C12orf43: variants seen among roughly 807,000 people sequenced by gnomAD.
The protein encoded by C12orf43 is protein CUSTOS.
In C12orf43, 15 loss-of-function variants were observed where a neutral mutation model predicts 20.6. That is an observed-to-expected ratio of 0.73 (90% CI 0.49 to 1.12). The LOEUF is 1.12. Ranked by LOEUF, C12orf43 falls within the 50% of genes most tolerant of loss-of-function variation. The probability of loss-of-function intolerance (pLI) is 0.00; values close to 1 mark genes in which losing one functional copy is unlikely to be tolerated. For synonymous variants in C12orf43, 144 were observed against 130.8 expected, an observed-to-expected ratio of 1.10 and a Z score of -0.69; for missense variants, 334 against 344.4, an observed-to-expected ratio of 0.97 and a Z score of 0.24.
At position 121,005,087 on chromosome 12, in the gene C12orf43, C is replaced by T. The variant is rs1436788426; in HGVS notation, c.368G>A (p.Arg123His). The T allele has an allele frequency of 1.8e-5, 25 of 1,403,294 alleles. No homozygotes were observed. Among genetic ancestry groups the T allele is most frequent in the Non-Finnish European group, 2.4e-5 (25 of 1,063,092 alleles). The allele number at this position is 1,403,294 out of a possible 1,614,324, so 86.9% of individuals were successfully genotyped here. A position where few individuals can be genotyped will look rare whatever the true frequency, so the allele number is the denominator to read the frequency against. Residue 123 changes from arginine to histidine, a missense_variant, in exon 5 of 6, where the codon CGC (arginine) becomes CAC (histidine). Coordinates refer to ENST00000288757, the MANE Select transcript of C12orf43 (RefSeq NM_022895.3). The surrounding 1 kb of genome is among the most constrained non-coding windows in gnomAD (Gnocchi z 5.6). ...QKVALEDDGF[R>H]LFFTSVPGGR... is the part of the protein sequence containing the mutation. ...TCCAGGGACAGATGTGAAGAAAAGG[C>T]GGAAACCTAAGATTCAATGGGGCAG...
intron 1 of C12orf43, chr12:121,012,575 G>A (rs866013576): frequency 4.8e-5 from 33 of 680,616 alleles, no homozygotes; most frequent in Middle Eastern, 2.4e-4. Flanking sequence ...AGTCAAGGCC[G>A]GGCGCGGTGG....
chr12:121,002,509 G>C lies in C12orf43; in HGVS notation c.*1644C>G. On this transcript the variant is annotated 3_prime_UTR_variant, in exon 6 of 6. Transcript: ENST00000288757. ...AGTAAAGTCAAGGAGAAATGCGGTG[G>C]AAACTTCTTGCTTGTCCACAAATCA... 1 of 508,372 alleles carries C rather than the reference G, an allele frequency of 2.0e-6. No individual in the cohort carries two copies. The highest frequency in any genetic ancestry group is 3.9e-6 in the Non-Finnish European group (1 of 258,872). 31.5% of individuals were successfully genotyped at this position (508,372 alleles called of 1,614,324 possible). A position where few individuals can be genotyped will look rare whatever the true frequency, so the allele number is the denominator to read the frequency against.
In C12orf43 at chr12:121,004,441, C is replaced by T. The variant is rs768730311; in HGVS notation, c.501G>A (p.Ser167=). 3.5e-5 allele frequency: 57 copies of T among 1,612,142 alleles called. No homozygotes were observed. Among genetic ancestry groups the T allele is most frequent in the East Asian group, 6.7e-5 (3 of 44,896 alleles). Residue 167 remains serine, a synonymous_variant, in exon 6 of 6, where the codon TCG becomes TCA. Coordinates refer to ENST00000288757, the MANE Select transcript of C12orf43 (RefSeq NM_022895.3). The surrounding 1 kb of genome is among the most constrained non-coding windows in gnomAD (Gnocchi z 5.6). ...CTGACTCCTGTAGGATGTCGGACGCCGACACAGCTGCCTCCCGGCACCGCC... is the reference window on the plus strand; with the variant it reads ...CTGACTCCTGTAGGATGTCGGACGCTGACACAGCTGCCTCCCGGCACCGCC... The part of the protein sequence containing the change: ...EWRRCREAAV[S]ASDILQESAI...
Position 121,001,080 on chromosome 12 carries a change from TG to T in C12orf43, c.*3072del, listed in dbSNP as rs2135854461. 1 of 1,613,618 alleles carries T rather than the reference TG, an allele frequency of 6.2e-7. No homozygotes were observed. The highest frequency in any genetic ancestry group is 8.5e-7 in the Non-Finnish European group (1 of 1,179,878). On this transcript the variant is annotated 3_prime_UTR_variant, in exon 6 of 6. Coordinates refer to ENST00000288757, the MANE Select transcript of C12orf43 (RefSeq NM_022895.3). ...GCCTCTGCAGTGTCCTCCAGCAGCC[TG>T]GTGCTGTACCAGAGCTCAGACTCCA...
rs1056729831 is a variant in C12orf43 at position 121,006,433 on chromosome 12, T to C, written c.288-39A>G. 5.0e-6 allele frequency: 8 copies of C among 1,596,774 alleles called. No individual in the cohort carries two copies. In the African/African-American group the frequency reaches 9.4e-5, roughly 19 times the overall value. On this transcript the variant is annotated intron_variant, in intron 3 of 5. Transcript: ENST00000288757. ...AGACGGTTGATTTAAGATGAGATTTTTGGATAACGACAAAAACAAAATTCT... is the reference window on the plus strand; with the variant it reads ...AGACGGTTGATTTAAGATGAGATTTCTGGATAACGACAAAAACAAAATTCT...
rs1485946327 is a variant in C12orf43 at position 121,012,061 on chromosome 12, G to A, written c.146-915C>T. 3.3e-5 allele frequency among the ~76,000 whole-genome samples: 5 copies of A among 152,138 alleles called. No homozygotes were observed. In the East Asian group the frequency reaches 9.6e-4, roughly 29 times the overall value. On this transcript the variant is annotated intron_variant, in intron 1 of 5. Transcript: ENST00000288757. ...GGAAAAAAACGGAAACAAAGTAGGC[G>A]AGAGAGGTGGGGAGTGTTGGGCTGG...
chr12:121,012,516 G>A, intron 1 of C12orf43: 1 of 702,124 alleles, frequency 1.4e-6, no homozygotes, highest in Non-Finnish European at 2.6e-6. Flanking sequence ...TGCAGTAATT[G>A]ATGTGGTGAG....
rs755767722 is a variant in C12orf43 at position 121,010,878 on chromosome 12, G to T, written c.237C>A (p.Thr79=). 2 of 1,614,084 alleles carry T rather than the reference G, an allele frequency of 1.2e-6. No homozygotes were observed. Among genetic ancestry groups the T allele is most frequent in the Non-Finnish European group, 1.7e-6 (2 of 1,180,002 alleles). ...TGGCTACGTGGGCTCGGAATTCAGG[G>T]GTGGTCTGAAGCTCGTTGCCATCTT... ...HEQDGNELQT[T]PEFRAHVAKK... The change falls in exon 3 of 6, where the codon ACC becomes ACA. Residue 79 remains threonine, a synonymous_variant. Transcript: ENST00000288757.
Position 121,016,383 on chromosome 12 carries a change from ATTGCCGCCTCGC to A in C12orf43, c.80_91del (p.Arg27_Met31delinsLeu). Reference sequence around the variant, plus strand: ...GCGTTGCTCCAAGCCCCAAGCCGGCATTGCCGCCTCGCGGCACCGCTCCAGCTCCTCCGCATC... The same window carrying A: ...GCGTTGCTCCAAGCCCCAAGCCGGCAGGCACCGCTCCAGCTCCTCCGCATC... On this transcript the variant is annotated inframe_deletion, in exon 1 of 6. Transcript: ENST00000288757. 1.9e-6 allele frequency: 3 copies of A among 1,613,906 alleles called. No individual in the cohort carries two copies. The highest frequency in any genetic ancestry group is 2.5e-6 in the Non-Finnish European group (3 of 1,180,034).
At position 121,005,043 on chromosome 12, in the gene C12orf43, ACT is replaced by A. The variant is rs1352485766; in HGVS notation, c.410_411del (p.Glu137ValfsTer15). 1 of 1,516,978 alleles carries A rather than the reference ACT, an allele frequency of 6.6e-7. No individual in the cohort carries two copies. Among genetic ancestry groups the A allele is most frequent in the Non-Finnish European group, 8.9e-7 (1 of 1,128,688 alleles). The allele number at this position is 1,516,978 out of a possible 1,614,324, so 94.0% of individuals were successfully genotyped here. A position where few individuals can be genotyped will look rare whatever the true frequency, so the allele number is the denominator to read the frequency against. On this transcript the variant is annotated frameshift_variant, in exon 5 of 6. Transcript: ENST00000288757. LOFTEE classifies it low-confidence loss of function (END_TRUNC). This position sits in a 1 kb window ranked among gnomAD's most constrained non-coding sequence, Gnocchi z 5.6. ...TGTCGCTTTCGGCGGGGTTGGGGAG[ACT>A]CTTCCTTCTCACGGCCTCCAGGGAC... is the stretch of plus-strand genomic sequence containing the variant. ...TSVPGGREKE[E>X]SPQPRRKRQP...
rs1195043246 is a variant in C12orf43 at position 121,004,105 on chromosome 12, G to A, written c.*48C>T. On this transcript the variant is annotated 3_prime_UTR_variant, in exon 6 of 6. Transcript: ENST00000288757. This position sits in a 1 kb window ranked among gnomAD's most constrained non-coding sequence, Gnocchi z 5.6. ...AAATGCCTTGTCCCCAGGGTGGGGGGGACACCTTGTCCTTGGAGCTGGCTG... is the reference window on the plus strand; with the variant it reads ...AAATGCCTTGTCCCCAGGGTGGGGGAGACACCTTGTCCTTGGAGCTGGCTG... 1.3e-6 allele frequency: 2 copies of A among 1,588,388 alleles called. No individual in the cohort carries two copies. The highest frequency in any genetic ancestry group is 8.6e-7 in the Non-Finnish European group (1 of 1,156,712).
In C12orf43 at chr12:121,002,508, G is replaced by A; in HGVS notation, c.*1645C>T. The A allele has an allele frequency of 2.0e-6, 1 of 509,266 alleles. No homozygotes were observed. Among genetic ancestry groups the A allele is most frequent in the South Asian group, 1.5e-5 (1 of 65,010 alleles). The allele number at this position is 509,266 out of a possible 1,614,324, so 31.5% of individuals were successfully genotyped here. On this transcript the variant is annotated 3_prime_UTR_variant, in exon 6 of 6. Transcript: ENST00000288757. ...TAGTAAAGTCAAGGAGAAATGCGGTGGAAACTTCTTGCTTGTCCACAAATC... is the reference window on the plus strand; with the variant it reads ...TAGTAAAGTCAAGGAGAAATGCGGTAGAAACTTCTTGCTTGTCCACAAATC...
intron 1 of C12orf43, among the ~76,000 whole-genome samples, chr12:121,014,063 C>T (rs2701180): frequency 0.49 from 74,233 of 152,010 alleles, 19,214 homozygotes; most frequent in East Asian, 0.87. Flanking sequence ...TGTGGTGGCT[C>T]ATGCCTGTAA....
In C12orf43 at chr12:121,005,030, C is replaced by T. The variant is rs34543757; in HGVS notation, c.425G>A (p.Arg142His). The T allele has an allele frequency of 1.4e-3, 2,210 of 1,530,630 alleles. 31 individuals are homozygous for T. The African/African-American group carries it at 0.026, about 18-fold the overall frequency. The allele number at this position is 1,530,630 out of a possible 1,614,324, so 94.8% of individuals were successfully genotyped here. The change falls in exon 5 of 6, where the codon CGC (arginine) becomes CAC (histidine). Residue 142 changes from arginine to histidine, a missense_variant. Arg to His is a conservative substitution (Grantham distance 29). Transcript: ENST00000288757. This position sits in a 1 kb window ranked among gnomAD's most constrained non-coding sequence, Gnocchi z 5.6. ...GGAGCTGGAGGGCTGTCGCTTTCGG[C>T]GGGGTTGGGGAGACTCTTCCTTCTC... is the stretch of plus-strand genomic sequence containing the variant. Reference protein sequence around the residue: ...GREKEESPQPRRKRQPSSSSE... With the variant: ...GREKEESPQPHRKRQPSSSSE...
At position 121,005,132 on chromosome 12, in the gene C12orf43, A is replaced by G; in HGVS notation, c.362-39T>C. On this transcript the variant is annotated intron_variant, in intron 4 of 5. Coordinates refer to ENST00000288757, the MANE Select transcript of C12orf43 (RefSeq NM_022895.3). This position sits in a 1 kb window ranked among gnomAD's most constrained non-coding sequence, Gnocchi z 5.6. ...GGGCAGAGTCAAACAAAAACAAAAC[A>G]AAACAAAAAGAAACATAAAAAAATA... is the stretch of plus-strand genomic sequence containing the variant. 9.7e-7 allele frequency: 1 copy of G among 1,035,412 alleles called. No individual in the cohort carries two copies. Among genetic ancestry groups the G allele is most frequent in the Non-Finnish European group, 1.3e-6 (1 of 782,276 alleles). The allele number at this position is 1,035,412 out of a possible 1,614,324, so 64.1% of individuals were successfully genotyped here.
At position 121,006,218 on chromosome 12, in the gene C12orf43, AAAAAG is replaced by A. The variant is rs1423286711; in HGVS notation, c.361+98_361+102del. On this transcript the variant is annotated intron_variant, in intron 4 of 5. Transcript: ENST00000288757. ...GTGGCAGAGAGAGTTCCTATCTCAA[AAAAAG>A]AAAAAAAAAAAAGAATATACCAAAA... The A allele has an allele frequency of 6.2e-3, 5,597 of 897,514 alleles. 53 individuals are homozygous for A. Among genetic ancestry groups the A allele is most frequent in the South Asian group, 0.019 (926 of 48,496 alleles). The allele number at this position is 897,514 out of a possible 1,614,324, so 55.6% of individuals were successfully genotyped here.
chr12:121,003,363 G>A lies in C12orf43; in HGVS notation c.*790C>T, dbSNP rs1877681302. 1 of 152,230 alleles carries A rather than the reference G, an allele frequency of 6.6e-6. No individual in the cohort carries two copies. Among genetic ancestry groups the A allele is most frequent in the Admixed American group, 6.5e-5 (1 of 15,274 alleles). 9.4% of individuals were successfully genotyped at this position (152,230 alleles called of 1,614,324 possible). On this transcript the variant is annotated 3_prime_UTR_variant, in exon 6 of 6. Transcript: ENST00000288757. Reference sequence around the variant, plus strand: ...TTCTTGCAGAATGCCTTTGTCCCATGAAACCTAGTCCACGAGTGCTATGAC... The same window carrying A: ...TTCTTGCAGAATGCCTTTGTCCCATAAAACCTAGTCCACGAGTGCTATGAC...
rs773538169 is a variant in C12orf43 at position 121,004,058 on chromosome 12, TGGAGAG to T, written c.*89_*94del. 2 of 1,360,084 alleles carry T rather than the reference TGGAGAG, an allele frequency of 1.5e-6. No homozygotes were observed. Among genetic ancestry groups the T allele is most frequent in the South Asian group, 2.3e-5 (2 of 85,532 alleles). 84.3% of individuals were successfully genotyped at this position (1,360,084 alleles called of 1,614,324 possible). A position where few individuals can be genotyped will look rare whatever the true frequency, so the allele number is the denominator to read the frequency against. On this transcript the variant is annotated 3_prime_UTR_variant, in exon 6 of 6. Coordinates refer to ENST00000288757, the MANE Select transcript of C12orf43 (RefSeq NM_022895.3). The surrounding 1 kb of genome is among the most constrained non-coding windows in gnomAD (Gnocchi z 5.6). ...GGTTTGCCAGCCCAGTCCTTGAACT[TGGAGAG>T]GGAGGTGGGGCTTGGAAATGCCTTG...
In C12orf43 at chr12:121,010,876, G is replaced by A. The variant is rs148993052; in HGVS notation, c.239C>T (p.Pro80Leu). The A allele has an allele frequency of 5.0e-6, 8 of 1,614,018 alleles. No individual in the cohort carries two copies. The African/African-American group carries it at 1.1e-4, about 22-fold the overall frequency. The change falls in exon 3 of 6, where the codon CCT becomes CTT. Residue 80 changes from proline to leucine, a missense_variant. By Grantham distance (98) the Pro-to-Leu change is moderately conservative (BLOSUM62 -3). Transcript: ENST00000288757. ...EQDGNELQTT[P>L]EFRAHVAKKL... The stretch of plus-strand genomic sequence containing the variant: ...CTTGGCTACGTGGGCTCGGAATTCA[G>A]GGGTGGTCTGAAGCTCGTTGCCATC...
Sources: allele counts gnomAD v4.1 joint callset (sites outside exome capture counted in the v4.1 genomes callset), GRCh38; gene constraint gnomAD v4.1.1; non-coding constraint Gnocchi (gnomAD v3.1); transcripts MANE v1.5; gene names NCBI Gene and HGNC (gene_info 2026-07-23, HGNC 2026-07-21).